The following NMNAT3 variants were observed in gnomAD, a reference collection of about 807,000 sequenced individuals.
The protein encoded by NMNAT3 is nicotinamide nucleotide adenylyltransferase 3.
In NMNAT3, 21 loss-of-function variants were observed where a neutral mutation model predicts 24.8. The observed-to-expected ratio is 0.85, with a 90% CI of 0.60 to 1.22. NMNAT3 has a LOEUF of 1.22. Ranked by LOEUF, NMNAT3 falls within the 50% of genes most tolerant of loss-of-function variation. The pLI, the probability that NMNAT3 is intolerant of heterozygous loss-of-function variation, is 0.00. For missense variants in NMNAT3, 387 were observed against 436.6 expected (o/e 0.89, Z 1.01); for synonymous variants, 136 against 155.2 (o/e 0.88, Z 0.92).
At chr3:139,677,212 CCA>C (rs2057959012) in intron 1 of NMNAT3, among the ~76,000 whole-genome samples, 2 of 152,198 alleles carry the variant, frequency 1.3e-5, no homozygotes. Context: ...ATAGCTCTGA[CCA>C]CAGTTTTAAC....
chr3:139,628,518 T>C (rs2056154100), intron 2 of NMNAT3, among the ~76,000 whole-genome samples: 1 of 152,356 alleles, frequency 6.6e-6, no homozygotes, highest in Admixed American at 6.5e-5. Context: ...ACTGGACTAT[T>C]ATCTAATGTG....
chr3:139,616,909 A>G (rs2055533253), intron 3 of NMNAT3, among the ~76,000 whole-genome samples: 1 of 152,076 alleles, frequency 6.6e-6, no homozygotes, highest in African/African-American at 2.4e-5. Flanking sequence ...CTCTTGCTTT[A>G]CCTACTGCAA....
At chr3:139,644,085 A>G (rs560186333) in intron 1 of NMNAT3, among the ~76,000 whole-genome samples, 147 of 152,262 alleles carry the variant, frequency 9.7e-4, no homozygotes, top group African/African-American at 3.4e-3. Flanking sequence ...CCTAACATCA[A>G]TCCCATCTCA....
intron 3 of NMNAT3, chr3:139,584,370 A>T (rs2108131626): frequency 6.2e-6 from 1 of 160,100 alleles, no homozygotes; most frequent in Non-Finnish European, 1.5e-5. Context: ...GAACCCGTCT[A>T]GGCAGCCAGA....
intron 3 of NMNAT3, 75 bp downstream of exon 4, chr3:139,627,541 A>G (rs2056105526): frequency 1.3e-6 from 1 of 746,958 alleles, no homozygotes; most frequent in Admixed American, 2.9e-5. Flanking sequence ...AATAATAGTG[A>G]TGCCAGCAGC....
chr3:139,584,462 A>G (rs1456877215), intron 3 of NMNAT3: 1 of 152,658 alleles, frequency 6.6e-6, no homozygotes, highest in Non-Finnish European at 1.5e-5. Context: ...CCTACTATAT[A>G]CAGTTCAGGC....
At chr3:139,669,598 G>C (rs1247837845) in intron 1 of NMNAT3, among the ~76,000 whole-genome samples, 1 of 151,730 alleles carries the variant, frequency 6.6e-6, no homozygotes, top group Non-Finnish European at 1.5e-5. Flanking sequence ...TTGATGAAGA[G>C]CTACTAAATC....
At chr3:139,673,927 C>T (rs890124765) in intron 1 of NMNAT3, among the ~76,000 whole-genome samples, 12 of 152,044 alleles carry the variant, frequency 7.9e-5, no homozygotes, top group African/African-American at 2.9e-4. Context: ...TGCCGACAGG[C>T]ACCCGCTGGT....
At chr3:139,659,210 C>G (rs890723799) in intron 1 of NMNAT3, among the ~76,000 whole-genome samples, 1 of 152,148 alleles carries the variant, frequency 6.6e-6, no homozygotes, top group East Asian at 1.9e-4. Context: ...ATCACTGAAT[C>G]GAGGCTATTC....
At chr3:139,636,857 A>G (rs2056521753) in intron 2 of NMNAT3, 1 of 152,238 alleles carries the variant, frequency 6.6e-6, no homozygotes. Context: ...CTACTTATCA[A>G]TAGGCCATGT....
chr3:139,575,557 G>A (rs964115968), intron 5 of NMNAT3: 27 of 992,974 alleles, frequency 2.7e-5, no homozygotes, highest in Middle Eastern at 1.0e-3. Flanking sequence ...TTAGTAAAAG[G>A]TGGTGGTGAT....
chr3:139,636,558 A>G (rs1390225504), intron 2 of NMNAT3: 1 of 152,208 alleles, frequency 6.6e-6, no homozygotes, highest in Non-Finnish European at 1.5e-5. Context: ...TGGCAGTTTA[A>G]TGATTTTCTG....
chr3:139,661,378 A>G (rs1249388440), intron 1 of NMNAT3, among the ~76,000 whole-genome samples: 1 of 152,158 alleles, frequency 6.6e-6, no homozygotes, highest in African/African-American at 2.4e-5. Context: ...AACATATAGA[A>G]AAGTAGAGGG....
intron 3 of NMNAT3, among the ~76,000 whole-genome samples, chr3:139,596,324 C>G (rs1193722658): frequency 6.6e-6 from 1 of 152,094 alleles, no homozygotes; most frequent in East Asian, 1.9e-4. Flanking sequence ...GAGGTAGGTG[C>G]AGGTCAAAGG....
chr3:139,564,126 G>A (rs892513874), intron 6 of NMNAT3, among the ~76,000 whole-genome samples: 5 of 152,166 alleles, frequency 3.3e-5, no homozygotes, highest in Admixed American at 3.3e-4. Flanking sequence ...TAGCCTATGG[G>A]CCTGTTTCTT....
rs1246078189 is a variant in NMNAT3, at chr3:139,624,606, A to G, written c.109+3010T>C. ...TGGGATTACAGGTGTGTGCCACCAC[A>G]CCTGGCTGATTTTTGTATTCTTAGT... On this transcript the variant is annotated intron_variant, in intron 3 of 6. Coordinates refer to ENST00000643695, the MANE Select transcript of NMNAT3 (RefSeq NM_001320510.2). 2.6e-5 allele frequency among the ~76,000 whole-genome samples: 4 copies of G among 151,968 alleles called. No homozygotes were observed. The East Asian group carries it at 7.8e-4, about 29-fold the overall frequency.
At chr3:139,661,561 C>G (rs2057418242) in intron 1 of NMNAT3, among the ~76,000 whole-genome samples, 1 of 152,042 alleles carries the variant, frequency 6.6e-6, no homozygotes, top group Non-Finnish European at 1.5e-5. Context: ...GTTTTAGCTA[C>G]TTGGAAGTCC....
chr3:139,640,558 AG>A (rs781354671), intron 1 of NMNAT3, among the ~76,000 whole-genome samples: 1 of 152,206 alleles, frequency 6.6e-6, no homozygotes, highest in Admixed American at 6.5e-5. Context: ...TCAAGGTAAT[AG>A]GATGACAATA....
Position 139,668,064 on chromosome 3 carries a change from C to T in NMNAT3, c.-141+9641G>A, listed in dbSNP as rs111320501. 6.6e-3 allele frequency among the ~76,000 whole-genome samples: 997 copies of T among 152,184 alleles called. 13 individuals are homozygous for T. Among genetic ancestry groups the T allele is most frequent in the Non-Finnish European group, 6.7e-3 (457 of 68,016 alleles). On this transcript the variant is annotated intron_variant, in intron 1 of 6. Transcript: ENST00000643695. ...TGTGAATGAAATTATCCAGGTGTAA[C>T]GTACAGGCAAGAGGAACCCAAGGGA...
Sources: allele counts gnomAD v4.1 joint callset (sites outside exome capture counted in the v4.1 genomes callset), GRCh38; gene constraint gnomAD v4.1.1; transcripts MANE v1.5; gene names NCBI Gene and HGNC (gene_info 2026-07-23, HGNC 2026-07-21).